FMNL2: variants seen among roughly 807,000 people sequenced by gnomAD.
FMNL2 encodes the protein formin like 2, also known as formin-like protein 2.
FMNL2 carries 51 observed loss-of-function variants against 130.2 expected under a neutral mutation model. That is an observed-to-expected ratio of 0.39 (90% CI 0.31 to 0.49). The LOEUF is 0.49. Ranked by LOEUF, FMNL2 falls within the 20% of genes least tolerant of loss-of-function variation. FMNL2 has a pLI of 0.85. For missense variants in FMNL2, 977 were observed against 1,316.2 expected (o/e 0.74, Z 3.99); for synonymous variants, 465 against 467.1 (o/e 1.00, Z 0.06).
intron 2 of FMNL2, among the ~76,000 whole-genome samples, chr2:152,524,197 G>A (rs1434201118): frequency 1.3e-5 from 2 of 152,196 alleles, no homozygotes; most frequent in Admixed American, 1.3e-4. Flanking sequence ...TAATATGACA[G>A]ATGCTGATAG....
Position 152,588,744 on chromosome 2 carries a change from G to A in FMNL2, c.876+7695G>A, listed in dbSNP as rs184960075. 6.0e-3 allele frequency among the ~76,000 whole-genome samples: 909 copies of A among 152,192 alleles called. 5 individuals are homozygous for A. The highest frequency in any genetic ancestry group is 9.5e-3 in the Non-Finnish European group (647 of 68,010). Reference sequence around the variant, plus strand: ...GCATGGGAAGAGAAAAATTGGGATAGGAAATTAAAGGGAGATCAGAAAAGG... The same window carrying A: ...GCATGGGAAGAGAAAAATTGGGATAAGAAATTAAAGGGAGATCAGAAAAGG... On this transcript the variant is annotated intron_variant, in intron 9 of 25. Transcript: ENST00000288670.
At chr2:152,581,087 A>G (rs1426518345) in intron 9 of FMNL2, 38 bp downstream of exon 9, 2 of 1,552,556 alleles carry the variant, frequency 1.3e-6, no homozygotes, top group Non-Finnish European at 1.8e-6. Context: ...ATACTCACAC[A>G]TCTTACATTT....
At chr2:152,366,879 A>C (rs1464783866) in intron 1 of FMNL2, among the ~76,000 whole-genome samples, 2 of 152,082 alleles carry the variant, frequency 1.3e-5, no homozygotes, top group Admixed American at 6.6e-5. Context: ...GCTGAAGTGG[A>C]GGATTGCTTG....
intron 1 of FMNL2, chr2:152,390,560 G>T: frequency 6.9e-7 from 1 of 1,456,246 alleles, no homozygotes; most frequent in East Asian, 2.3e-5. Context: ...CAGACGAACA[G>T]AAGAAACAGG....
intron 25 of FMNL2, chr2:152,643,326 T>A: frequency 1.3e-6 from 2 of 1,488,886 alleles, no homozygotes; most frequent in South Asian, 1.2e-5. Flanking sequence ...TCCCCAGGTA[T>A]GATTAACAAT....
chr2:152,626,283 C>T (rs1488971702), intron 16 of FMNL2, among the ~76,000 whole-genome samples: 4 of 152,132 alleles, frequency 2.6e-5, no homozygotes, highest in African/African-American at 4.8e-5. Flanking sequence ...GTGATCCACC[C>T]GCCTTGGCCT....
chr2:152,641,052 C>T lies in FMNL2; in HGVS notation c.3169+138C>T, dbSNP rs1683041298. ...GACTTTATTCACACCCAGAGTGATG[C>T]AGAGAGGCTTTGAAGTCCATTTACA... is the stretch of plus-strand genomic sequence containing the variant. On this transcript the variant is annotated intron_variant, in intron 25 of 25. Coordinates refer to ENST00000288670, the MANE Select transcript of FMNL2 (RefSeq NM_052905.4). 3 of 1,129,814 alleles carry T rather than the reference C, an allele frequency of 2.7e-6. No homozygotes were observed. The Admixed American group carries it at 7.3e-5, about 28-fold the overall frequency. 70.0% of individuals were successfully genotyped at this position (1,129,814 alleles called of 1,614,324 possible).
intron 4 of FMNL2, among the ~76,000 whole-genome samples, chr2:152,557,676 T>C (rs752525337): frequency 6.6e-6 from 1 of 152,270 alleles, no homozygotes; most frequent in Non-Finnish European, 1.5e-5. Context: ...TTGCTCATGC[T>C]TAAGGGATAC....
intron 9 of FMNL2, among the ~76,000 whole-genome samples, chr2:152,607,122 A>G (rs1005834695): frequency 6.6e-6 from 1 of 151,956 alleles, no homozygotes; most frequent in African/African-American, 2.4e-5. Context: ...ATGGATTTCA[A>G]AATATCAAGA....
chr2:152,599,338 C>T (rs530530532), intron 9 of FMNL2, among the ~76,000 whole-genome samples: 2 of 138,280 alleles, frequency 1.4e-5, no homozygotes, highest in Non-Finnish European at 3.1e-5. Context: ...AAGCATATTT[C>T]GGAAAGAGAT....
chr2:152,464,240 A>G (rs771206446), intron 1 of FMNL2, among the ~76,000 whole-genome samples: 3 of 152,156 alleles, frequency 2.0e-5, no homozygotes, highest in Non-Finnish European at 4.4e-5. Context: ...CCCCGCACTC[A>G]GCCACTGATG....
At chr2:152,460,838 G>A (rs1340634614) in intron 1 of FMNL2, among the ~76,000 whole-genome samples, 1 of 152,174 alleles carries the variant, frequency 6.6e-6, no homozygotes. Flanking sequence ...CTGTCTAGTT[G>A]CAGGAACACA....
chr2:152,454,832 A>G (rs111254517), intron 1 of FMNL2, among the ~76,000 whole-genome samples: 7 of 152,252 alleles, frequency 4.6e-5, no homozygotes, highest in Non-Finnish European at 5.9e-5. Flanking sequence ...AGAAGGGGCA[A>G]TAACCTCAGA....
chr2:152,385,951 C>T (rs756384929), intron 1 of FMNL2, among the ~76,000 whole-genome samples: 1 of 152,130 alleles, frequency 6.6e-6, no homozygotes, highest in Non-Finnish European at 1.5e-5. Context: ...CTTTCTTTCA[C>T]CTCTCCTGGA....
At chr2:152,348,497 T>C (rs1682259329) in intron 1 of FMNL2, among the ~76,000 whole-genome samples, 1 of 152,222 alleles carries the variant, frequency 6.6e-6, no homozygotes, top group African/African-American at 2.4e-5. Flanking sequence ...CCTATTTAAC[T>C]GACCACACTA....
At chr2:152,385,243 G>A (rs1448573061) in intron 1 of FMNL2, among the ~76,000 whole-genome samples, 1 of 152,226 alleles carries the variant, frequency 6.6e-6, no homozygotes, top group Non-Finnish European at 1.5e-5. Context: ...AACTGGGGAT[G>A]AAGTGATTTG....
chr2:152,558,106 A>G (rs1166462572), intron 4 of FMNL2, among the ~76,000 whole-genome samples: 1 of 152,220 alleles, frequency 6.6e-6, no homozygotes, highest in South Asian at 2.1e-4. Context: ...TTTAAAAATG[A>G]ATTTTTTAAA....
intron 10 of FMNL2, 58 bp from the exon 11 acceptor site, chr2:152,611,437 C>T: frequency 2.3e-6 from 2 of 867,058 alleles, no homozygotes; most frequent in South Asian, 1.6e-5. Flanking sequence ...CACATGTCTG[C>T]AGTTAAACTG....
intron 1 of FMNL2, among the ~76,000 whole-genome samples, chr2:152,404,748 C>G (rs1685888784): frequency 6.6e-6 from 1 of 152,176 alleles, no homozygotes. Flanking sequence ...GTGCCGTTAG[C>G]TACCATCCTA....
Sources: allele counts gnomAD v4.1 joint callset (sites outside exome capture counted in the v4.1 genomes callset), GRCh38; gene constraint gnomAD v4.1.1; transcripts MANE v1.5; gene names NCBI Gene and HGNC (gene_info 2026-07-23, HGNC 2026-07-21).